KCNK9: variants seen among roughly 807,000 people sequenced by gnomAD.
KCNK9 encodes potassium two pore domain channel subfamily K member 9, also known as potassium channel subfamily K member 9.
A neutral mutation model predicts 10.8 loss-of-function variants in KCNK9; 1 was observed. The ratio of observed to expected loss-of-function variants is 0.09; its 90% CI spans 0.03 to 0.44. The LOEUF is 0.44. KCNK9 is among the 20% of genes least tolerant of loss of function. The probability of loss-of-function intolerance (pLI) is 0.97; values close to 1 mark genes in which losing one functional copy is unlikely to be tolerated. For synonymous variants in KCNK9, 231 were observed against 222.7 expected (o/e 1.04, Z -0.33); for missense variants, 303 against 515.0 (o/e 0.59, Z 3.98).
chr8:139,618,334 G>C lies in KCNK9; in HGVS notation c.1049C>G (p.Pro350Arg). The C allele has an allele frequency of 1.9e-6, 3 of 1,614,212 alleles. No homozygotes were observed. The highest frequency in any genetic ancestry group is 2.5e-6 in the Non-Finnish European group (3 of 1,180,032). Residue 350 changes from proline to arginine, a missense_variant, in exon 2 of 2, where the codon CCT becomes CGT. Physicochemically the swap from Pro to Arg is moderately radical, Grantham distance 103. Coordinates refer to ENST00000520439, the MANE Select transcript of KCNK9 (RefSeq NM_001282534.2). This position sits in a 1 kb window ranked among gnomAD's most constrained non-coding sequence, Gnocchi z 7.9. ...TAACCCAGGAGAGATGGAGCTAATA[G>C]GCGATGGGAAGAGGCTGTTTTTTAA... ...STLKNSLFPS[P>R]ISSISPGLHS...
At chr8:139,649,612 C>A (rs549517743) in intron 1 of KCNK9, among the ~76,000 whole-genome samples, 1 of 152,130 alleles carries the variant, frequency 6.6e-6, no homozygotes, top group Non-Finnish European at 1.5e-5. Flanking sequence ...CTGCACTGTG[C>A]GACAGATACA....
intron 1 of KCNK9, among the ~76,000 whole-genome samples, chr8:139,654,375 C>G (rs1254927952): frequency 6.6e-6 from 1 of 152,216 alleles, no homozygotes; most frequent in East Asian, 1.9e-4. Flanking sequence ...GGAGCGCGGC[C>G]AGACCCTGCC....
intron 1 of KCNK9, among the ~76,000 whole-genome samples, chr8:139,676,593 G>A (rs886285146): frequency 1.3e-5 from 2 of 152,178 alleles, no homozygotes; most frequent in African/African-American, 2.4e-5. Context: ...CACATGCCAG[G>A]CACCATTCTA....
chr8:139,673,750 G>A (rs2129741613), intron 1 of KCNK9, among the ~76,000 whole-genome samples: 1 of 152,316 alleles, frequency 6.6e-6, no homozygotes, highest in Admixed American at 6.5e-5. Context: ...CTCTTCTGCT[G>A]CAGTCAGGAG....
chr8:139,661,998 G>A (rs935883765), intron 1 of KCNK9, among the ~76,000 whole-genome samples: 3 of 152,206 alleles, frequency 2.0e-5, no homozygotes, highest in South Asian at 2.1e-4. Context: ...AAGGTGTGTC[G>A]AGAGGGGCTC....
At chr8:139,699,589 A>G (rs976729657) in intron 1 of KCNK9, among the ~76,000 whole-genome samples, 2 of 152,188 alleles carry the variant, frequency 1.3e-5, no homozygotes, top group Non-Finnish European at 2.9e-5. Context: ...AATGGGGAGG[A>G]ATGGAAACAG....
At chr8:139,669,909 G>A (rs1375522462) in intron 1 of KCNK9, among the ~76,000 whole-genome samples, 3 of 152,236 alleles carry the variant, frequency 2.0e-5, no homozygotes, top group African/African-American at 7.2e-5. Flanking sequence ...CTGCAGAAAG[G>A]ATGTTGTGTT....
chr8:139,660,463 T>C (rs1280800876), intron 1 of KCNK9, among the ~76,000 whole-genome samples: 5 of 148,382 alleles, frequency 3.4e-5, no homozygotes, highest in African/African-American at 1.2e-4. Context: ...TATATATATA[T>C]ATATATATTA....
chr8:139,666,850 C>T (rs573180381), intron 1 of KCNK9, among the ~76,000 whole-genome samples: 2 of 152,372 alleles, frequency 1.3e-5, no homozygotes, highest in East Asian at 3.9e-4. Context: ...AAGGCACCTG[C>T]CCCCTTCAAG....
intron 1 of KCNK9, among the ~76,000 whole-genome samples, chr8:139,695,370 A>G (rs974100253): frequency 6.6e-6 from 1 of 152,214 alleles, no homozygotes; most frequent in Non-Finnish European, 1.5e-5. Flanking sequence ...AGAGGAGAGG[A>G]ACTGGCTACA....
intron 1 of KCNK9, among the ~76,000 whole-genome samples, chr8:139,684,809 T>G (rs1188979234): frequency 6.6e-6 from 1 of 152,110 alleles, no homozygotes; most frequent in African/African-American, 2.4e-5. Flanking sequence ...ATAATTATAG[T>G]CAGATTATAA....
chr8:139,687,501 C>T (rs1296721936), intron 1 of KCNK9, among the ~76,000 whole-genome samples: 1 of 33,192 alleles, frequency 3.0e-5, no homozygotes, highest in African/African-American at 8.9e-5. Flanking sequence ...CACATATATA[C>T]ATATATATGT....
chr8:139,657,969 C>T (rs935044671), intron 1 of KCNK9, among the ~76,000 whole-genome samples: 11 of 152,174 alleles, frequency 7.2e-5, no homozygotes, highest in African/African-American at 2.7e-4. Context: ...GAGGAGATGA[C>T]ATGGTAGGGT....
At chr8:139,643,296 C>A (rs746560805) in intron 1 of KCNK9, among the ~76,000 whole-genome samples, 10 of 152,204 alleles carry the variant, frequency 6.6e-5, no homozygotes, top group Non-Finnish European at 1.0e-4. Context: ...CTGGCCGCGA[C>A]CCCCGCCTGT....
At chr8:139,667,076 C>A (rs1467367974) in intron 1 of KCNK9, among the ~76,000 whole-genome samples, 4 of 152,232 alleles carry the variant, frequency 2.6e-5, no homozygotes, top group Admixed American at 6.5e-5. Context: ...ACCAGACAGC[C>A]CAAGGGGAAC....
At position 139,677,957 on chromosome 8, in the gene KCNK9, T is replaced by C. The variant is rs57538011; in HGVS notation, c.283+24753A>G. 2.0e-3 allele frequency among the ~76,000 whole-genome samples: 200 copies of C among 102,086 alleles called. 1 individual carries two copies. Among genetic ancestry groups the C allele is most frequent in the African/African-American group, 7.9e-3 (129 of 16,422 alleles). 67.0% of individuals were successfully genotyped at this position (102,086 alleles called of 152,430 possible). ...CTCACATCTCAGCCCAATGAGTCCC[T>C]ACAGCTGCAGAGTAATACCTCACAT... On this transcript the variant is annotated intron_variant, in intron 1 of 1. Transcript: ENST00000520439.
chr8:139,618,278 T>A lies in KCNK9; in HGVS notation c.1105A>T (p.Lys369Ter), dbSNP rs769891611. ...HSFTDHQRLMKRRKSV is the reference protein window; with the variant it reads ...HSFTDHQRLM Reference sequence around the variant, plus strand: ...CACACCTAAACGGACTTCCGGCGTTTCATCAGCCTCTGGTGGTCGGTAAAG... The same window carrying A: ...CACACCTAAACGGACTTCCGGCGTTACATCAGCCTCTGGTGGTCGGTAAAG... The change falls in exon 2 of 2, where the codon AAA becomes TAA. Residue 369 changes from lysine (K) to a stop codon, truncating the protein, a stop_gained. Transcript: ENST00000520439. LOFTEE classifies it high-confidence loss of function. This position sits in a 1 kb window ranked among gnomAD's most constrained non-coding sequence, Gnocchi z 7.9. 2 of 1,614,140 alleles carry A rather than the reference T, an allele frequency of 1.2e-6. No individual in the cohort carries two copies. The highest frequency in any genetic ancestry group is 1.7e-6 in the Non-Finnish European group (2 of 1,180,056).
In KCNK9 at chr8:139,618,254, A is replaced by G; in HGVS notation, c.*4T>C. The G allele has an allele frequency of 1.2e-6, 2 of 1,614,208 alleles. No individual in the cohort carries two copies. The highest frequency in any genetic ancestry group is 1.7e-6 in the Non-Finnish European group (2 of 1,180,038). ...ACTTTTCTGTCCCATTTCCCTCCCCACACCTAAACGGACTTCCGGCGTTTC... is the reference window on the plus strand; with the variant it reads ...ACTTTTCTGTCCCATTTCCCTCCCCGCACCTAAACGGACTTCCGGCGTTTC... On this transcript the variant is annotated 3_prime_UTR_variant, in exon 2 of 2. Transcript: ENST00000520439. The surrounding 1 kb of genome is among the most constrained non-coding windows in gnomAD (Gnocchi z 7.9).
downstream of KCNK9, among the ~76,000 whole-genome samples, chr8:139,614,248 T>G (rs531511291): frequency 6.6e-6 from 1 of 152,312 alleles, no homozygotes; most frequent in East Asian, 1.9e-4. Context: ...CAATGTTCTC[T>G]TAAGGCCCTG....
Sources: gnomAD v4.1 joint callset for allele counts (sites outside exome capture counted in the v4.1 genomes callset) on GRCh38, gnomAD v4.1.1 for gene constraint, Gnocchi (gnomAD v3.1) non-coding constraint, MANE v1.5 for transcripts, NCBI Gene and HGNC (gene_info 2026-07-23, HGNC 2026-07-21) for gene names.